Variants in DRC4 observed in about 807,000 individuals in gnomAD.
DRC4 encodes the protein GAS-11.
At chr16:90,034,799 C>A in the DRC4 span, among the ~76,000 whole-genome samples, 1 of 151,308 alleles carries the variant, frequency 6.6e-6, no homozygotes, top group African/African-American at 2.4e-5. Flanking sequence ...TCATAGCTCA[C>A]TGCAGCCTCG....
At chr16:90,044,836 G>A in the DRC4 span, 1 of 245,154 alleles carries the variant, frequency 4.1e-6, no homozygotes. Flanking sequence ...GAAGCAAAAA[G>A]GGAAAAAGTC....
the DRC4 span, among the ~76,000 whole-genome samples, chr16:90,030,570 C>T: frequency 1.4e-5 from 2 of 139,342 alleles, no homozygotes; most frequent in Non-Finnish European, 3.0e-5. Flanking sequence ...CTGTTCAACT[C>T]TGGGGCTCAA....
At chr16:90,039,506 C>T in the DRC4 span, among the ~76,000 whole-genome samples, 7 of 152,080 alleles carry the variant, frequency 4.6e-5, no homozygotes, top group Non-Finnish European at 7.4e-5. Context: ...CTGCCTCGGC[C>T]TCCCGAGTAG....
the DRC4 span, among the ~76,000 whole-genome samples, chr16:90,030,507 ATT>A: frequency 0.018 from 2,082 of 118,950 alleles, 33 homozygotes; most frequent in African/African-American, 0.067. Flanking sequence ...CTCCTGGCTA[ATT>A]TTTTTTTTTT....
the DRC4 span, among the ~76,000 whole-genome samples, chr16:90,026,961 G>T: frequency 5.3e-5 from 8 of 151,866 alleles, no homozygotes; most frequent in Admixed American, 1.3e-4. Context: ...TGCCCAGGCT[G>T]GAGTGCAATG....
At chr16:90,040,231 C>T in the DRC4 span, 3 of 1,439,448 alleles carry the variant, frequency 2.1e-6, no homozygotes, top group South Asian at 3.7e-5. Context: ...AGGTGGGAGG[C>T]AGCATCTTCC....
At chr16:90,039,971 C>T in the DRC4 span, 10 of 372,462 alleles carry the variant, frequency 2.7e-5, no homozygotes, top group Admixed American at 1.1e-4. Context: ...AGCCCTCACT[C>T]GGGCAAGACT....
chr16:90,024,613 C>T, the DRC4 span, among the ~76,000 whole-genome samples: 3 of 152,068 alleles, frequency 2.0e-5, no homozygotes, highest in South Asian at 2.1e-4. Flanking sequence ...GCTCACTAGC[C>T]GCAGAAAAAC....
At chr16:90,022,941 G>T in the DRC4 span, among the ~76,000 whole-genome samples, 1 of 152,192 alleles carries the variant, frequency 6.6e-6, no homozygotes, top group African/African-American at 2.4e-5. Context: ...GACCTGGGCT[G>T]TCCAGAGCCC....
chr16:90,038,509 A>G, the DRC4 span, among the ~76,000 whole-genome samples: 1 of 152,032 alleles, frequency 6.6e-6, no homozygotes, highest in Admixed American at 6.6e-5. Flanking sequence ...TGCTGCCTCA[A>G]TCCTTTTAAA....
the DRC4 span, among the ~76,000 whole-genome samples, chr16:90,031,953 G>A: frequency 6.6e-6 from 1 of 151,966 alleles, no homozygotes; most frequent in Non-Finnish European, 1.5e-5. Context: ...GAGGTGTGGG[G>A]AGGTGAGCAC....
chr16:90,027,484 G>C, the DRC4 span: 5 of 697,084 alleles, frequency 7.2e-6, no homozygotes, highest in Non-Finnish European at 1.3e-5. Context: ...GTGGTAAAGG[G>C]TGGGAACACT....
chr16:90,027,928 G>C, the DRC4 span: 1 of 577,466 alleles, frequency 1.7e-6, no homozygotes, highest in Non-Finnish European at 3.1e-6. Flanking sequence ...GCCTGTGAAA[G>C]AGCTTTGTAA....
chr16:90,037,382 G>A, the DRC4 span: 21 of 1,613,142 alleles, frequency 1.3e-5, no homozygotes, highest in Non-Finnish European at 1.7e-5. Context: ...CTACGAGAGG[G>A]ACAAGCAGAT....
the DRC4 span, among the ~76,000 whole-genome samples, chr16:90,020,315 AAAG>A: frequency 3.3e-5 from 5 of 151,550 alleles, no homozygotes; most frequent in African/African-American, 9.7e-5. Flanking sequence ...CAAAAAAAAA[AAAG>A]AAAAGAAAAG....
At chr16:90,028,013 A>G in the DRC4 span, 24 of 394,444 alleles carry the variant, frequency 6.1e-5, no homozygotes, top group African/African-American at 2.4e-4. Flanking sequence ...TTCTCTTTCA[A>G]TCTTACCCTT....
At chr16:90,037,994 C>T in the DRC4 span, 1 of 710,544 alleles carries the variant, frequency 1.4e-6, no homozygotes, top group African/African-American at 1.8e-5. Flanking sequence ...CCTTGTGGCC[C>T]CTGGACCAGC....
the DRC4 span, chr16:90,037,416 A>G: frequency 1.2e-6 from 2 of 1,601,916 alleles, no homozygotes; most frequent in Non-Finnish European, 1.7e-6. Flanking sequence ...TTCCCGCTGG[A>G]TTCCTCTCCC....
the DRC4 span, among the ~76,000 whole-genome samples, chr16:90,024,289 G>A: frequency 6.6e-6 from 1 of 152,078 alleles, no homozygotes; most frequent in Admixed American, 6.5e-5. Context: ...GACCGATGGG[G>A]TTCAGGAGGA....
Sources: allele counts gnomAD v4.1 joint callset (sites outside exome capture counted in the v4.1 genomes callset), GRCh38; gene constraint gnomAD v4.1.1; transcripts MANE v1.5; gene names NCBI Gene and HGNC (gene_info 2026-07-23, HGNC 2026-07-21).